The following OTOG variants were observed in gnomAD, a reference collection of about 807,000 sequenced individuals.
OTOG encodes otogelin.
OTOG carries 296 observed loss-of-function variants against 313.8 expected under a neutral mutation model. The ratio of observed to expected loss-of-function variants is 0.94; its 90% CI spans 0.86 to 1.04. The LOEUF is 1.04. OTOG is among the 50% of genes least tolerant of loss of function. The pLI, the probability that OTOG is intolerant of heterozygous loss-of-function variation, is 0.00. For missense variants in OTOG, 3,948 were observed against 3,840.1 expected, an observed-to-expected ratio of 1.03 and a Z score of -0.74; for synonymous variants, 1,533 against 1,554.9, an observed-to-expected ratio of 0.99 and a Z score of 0.33.
At chr11:17,606,805 C>T (rs1054026650) in intron 33 of OTOG, among the ~76,000 whole-genome samples, 1 of 152,206 alleles carries the variant, frequency 6.6e-6, no homozygotes, top group Non-Finnish European at 1.5e-5. Flanking sequence ...CTTCAGCCAG[C>T]CTCCTTATTT....
chr11:17,590,810 C>T (rs900215241), intron 24 of OTOG, among the ~76,000 whole-genome samples: 3 of 152,202 alleles, frequency 2.0e-5, no homozygotes, highest in South Asian at 2.1e-4. Context: ...AGACTGTACC[C>T]TTTATTTGAA....
At chr11:17,608,149 G>A (rs1248804390) in intron 33 of OTOG, 147 bp from the exon 34 acceptor site, 5 of 564,440 alleles carry the variant, frequency 8.9e-6, no homozygotes, top group African/African-American at 7.8e-5. Context: ...CATGAACGCA[G>A]TTTCTCCTTA....
At chr11:17,635,552 G>A (rs1590058477) in intron 46 of OTOG, 58 bp from the exon 47 acceptor site, 1 of 1,387,264 alleles carries the variant, frequency 7.2e-7, no homozygotes, top group Non-Finnish European at 1.0e-6. Context: ...GCAACGTGCT[G>A]TGTGCCAGGC....
At chr11:17,602,179 C>G (rs1335138003) in intron 31 of OTOG, 31 bp from the exon 32 acceptor site, 7 of 1,547,466 alleles carry the variant, frequency 4.5e-6, no homozygotes, top group Admixed American at 2.0e-5. Context: ...GGCCATGGGG[C>G]CAGGTTGCTG....
In OTOG at chr11:17,596,015, A is replaced by C. The variant is rs768056591; in HGVS notation, c.3409-23A>C. Reference sequence around the variant, plus strand: ...AGGCATTTGGCAAGTAGGGAGGTCAACAGCCCTGCCTTTGCCCCTCAGTGC... The same window carrying C: ...AGGCATTTGGCAAGTAGGGAGGTCACCAGCCCTGCCTTTGCCCCTCAGTGC... On this transcript the variant is annotated intron_variant, in intron 28 of 55. Transcript: ENST00000399397. 6 of 1,520,248 alleles carry C rather than the reference A, an allele frequency of 3.9e-6. No homozygotes were observed. In the Admixed American group the frequency reaches 7.9e-5, roughly 20 times the overall value. The allele number at this position is 1,520,248 out of a possible 1,614,324, so 94.2% of individuals were successfully genotyped here. A position where few individuals can be genotyped will look rare whatever the true frequency, so the allele number is the denominator to read the frequency against.
Position 17,611,160 on chromosome 11 carries a change from G to A in OTOG, c.5860G>A (p.Ala1954Thr), listed in dbSNP as rs1314484979. The change falls in exon 36 of 56, where the codon GCA becomes ACA. Residue 1954 changes from alanine to threonine, a missense_variant. By Grantham distance (58) the Ala-to-Thr change is moderately conservative. Coordinates refer to ENST00000399397, the MANE Select transcript of OTOG (RefSeq NM_001292063.2). ...GGTGGCTGAGCCCGAGGGAGCCCAG[G>A]CAGGCACAGCTCTGCCAGTGCCCAC... The part of the protein sequence containing the change: ...PLVAEPEGAQ[A>T]GTALPVPTSY... 1 of 1,550,536 alleles carries A rather than the reference G, an allele frequency of 6.4e-7. No homozygotes were observed. The highest frequency in any genetic ancestry group is 1.2e-5 in the South Asian group (1 of 84,054).
chr11:17,632,138 G>A lies in OTOG; in HGVS notation c.6984G>A (p.Val2328=). ...TGTGGATCCGGGACACCAAGTACGT[G>A]CAGCAGCCCTGCGTGGCCCTGACTG... The part of the protein sequence containing the change: ...CELWIRDTKY[V]QQPCVALTVY... The change falls in exon 42 of 56, where the codon GTG becomes GTA. Residue 2328 remains valine, a synonymous_variant. Transcript: ENST00000399397. The A allele has an allele frequency of 1.3e-6, 2 of 1,551,078 alleles. No homozygotes were observed. Among genetic ancestry groups the A allele is most frequent in the Non-Finnish European group, 1.7e-6 (2 of 1,147,014 alleles).
Position 17,640,953 on chromosome 11 carries a change from G to A in OTOG, c.8052G>A (p.Met2684Ile). 6.5e-7 allele frequency: 1 copy of A among 1,548,288 alleles called. No individual in the cohort carries two copies. The highest frequency in any genetic ancestry group is 8.7e-7 in the Non-Finnish European group (1 of 1,146,970). ...PVCLSRELGVMQPGQTVVELS... is the reference protein window; with the variant it reads ...PVCLSRELGVIQPGQTVVELS... ...GTCTGAGCCGCGAGCTGGGTGTGAT[G>A]CAGCCCGGCCAGACAGTGGTGGAGC... Residue 2684 changes from methionine to isoleucine, a missense_variant, in exon 51 of 56, where the codon ATG becomes ATA. Transcript: ENST00000399397.
intron 7 of OTOG, among the ~76,000 whole-genome samples, chr11:17,556,613 T>A (rs74664097): frequency 5.3e-5 from 8 of 152,210 alleles, no homozygotes; most frequent in African/African-American, 1.7e-4. Flanking sequence ...AGTTGGTAAA[T>A]GGGTCTTGTG....
chr11:17,638,826 G>C, intron 48 of OTOG: 1 of 1,404,142 alleles, frequency 7.1e-7, no homozygotes, highest in Non-Finnish European at 9.5e-7. Context: ...GGCCGGGCAC[G>C]GTGGCTCACA....
At chr11:17,567,718 A>G (rs1035457450) in intron 15 of OTOG, among the ~76,000 whole-genome samples, 1 of 152,146 alleles carries the variant, frequency 6.6e-6, no homozygotes, top group African/African-American at 2.4e-5. Context: ...TGAATGCATT[A>G]AACGACTTCC....
At chr11:17,599,626 G>C in intron 30 of OTOG, 45 bp from the exon 31 acceptor site, 2 of 1,549,064 alleles carry the variant, frequency 1.3e-6, no homozygotes, top group Non-Finnish European at 1.7e-6. Context: ...GTCTGTTCCA[G>C]GCTCTGGGCT....
At chr11:17,569,895 AATCC>A in intron 16 of OTOG, among the ~76,000 whole-genome samples, 1 of 152,370 alleles carries the variant, frequency 6.6e-6, no homozygotes, top group South Asian at 2.1e-4. Flanking sequence ...GTAGTTACAG[AATCC>A]TCCTTCTGCT....
At position 17,631,726 on chromosome 11, in the gene OTOG, A is replaced by G. The variant is rs1366920317; in HGVS notation, c.6737A>G (p.Asn2246Ser). The change falls in exon 41 of 56, where the codon AAT (asparagine) becomes AGT (serine). Residue 2246 changes from asparagine to serine, a missense_variant. Coordinates refer to ENST00000399397, the MANE Select transcript of OTOG (RefSeq NM_001292063.2). ...GGTATCTGTGATGGAGATGCAGCCA[A>G]TGACCTTACCCTGAAGGATGGCTCA... is the stretch of plus-strand genomic sequence containing the variant. ...LCGICDGDAA[N>S]DLTLKDGSVV... is the part of the protein sequence containing the mutation. The G allele has an allele frequency of 1.2e-5, 19 of 1,550,460 alleles. No homozygotes were observed. Among genetic ancestry groups the G allele is most frequent in the Non-Finnish European group, 1.6e-5 (18 of 1,146,980 alleles).
chr11:17,555,197 G>A lies in OTOG; in HGVS notation c.541-582G>A, dbSNP rs866783820. ...GAAGTCTGGGTTCTGTCTGAATGGC[G>A]GGGGCAGAGATGTGTGTGTGTGTGT... On this transcript the variant is annotated intron_variant, in intron 6 of 55. Coordinates refer to ENST00000399397, the MANE Select transcript of OTOG (RefSeq NM_001292063.2). 1.9e-4 allele frequency among the ~76,000 whole-genome samples: 23 copies of A among 118,770 alleles called. No individual in the cohort carries two copies. In the South Asian group the frequency reaches 2.3e-3, roughly 12 times the overall value. 77.9% of individuals were successfully genotyped at this position (118,770 alleles called of 152,430 possible).
At chr11:17,644,524 C>T (rs921431469) in intron 54 of OTOG, among the ~76,000 whole-genome samples, 45 of 152,158 alleles carry the variant, frequency 3.0e-4, no homozygotes, top group African/African-American at 1.1e-3. Flanking sequence ...ACTGTAGAGC[C>T]TTGTGGAGCT....
chr11:17,566,088 G>A (rs1038579347), intron 15 of OTOG, among the ~76,000 whole-genome samples: 3 of 152,040 alleles, frequency 2.0e-5, no homozygotes, highest in African/African-American at 7.3e-5. Context: ...CTTATTATCT[G>A]TGGGGTATTT....
chr11:17,605,050 T>C (rs1007563684), intron 32 of OTOG, among the ~76,000 whole-genome samples: 3 of 152,204 alleles, frequency 2.0e-5, no homozygotes, highest in South Asian at 2.1e-4. Context: ...ACACACCTCG[T>C]TGATGATCCC....
At position 17,557,644 on chromosome 11, in the gene OTOG, T is replaced by C. The variant is rs946809153; in HGVS notation, c.865+321T>C. Among the ~76,000 whole-genome samples, 8 of 152,056 alleles carry C rather than the reference T, an allele frequency of 5.3e-5. No individual in the cohort carries two copies. The South Asian group carries it at 8.3e-4, about 16-fold the overall frequency. On this transcript the variant is annotated intron_variant, in intron 8 of 55. Transcript: ENST00000399397. Reference sequence around the variant, plus strand: ...ATGGGGTAGGCAGGGAGCAGAGGGCTAGAGACAGCCAGGAAGAGAAATGGC... The same window carrying C: ...ATGGGGTAGGCAGGGAGCAGAGGGCCAGAGACAGCCAGGAAGAGAAATGGC...
Sources: gnomAD v4.1 joint callset for allele counts (sites outside exome capture counted in the v4.1 genomes callset) on GRCh38, gnomAD v4.1.1 for gene constraint, MANE v1.5 for transcripts, NCBI Gene and HGNC (gene_info 2026-07-23, HGNC 2026-07-21) for gene names.